Variants in PDCL2 observed in about 807,000 individuals in gnomAD.
PDCL2 encodes the protein phosducin like 2.
Under a neutral mutation model 30.3 loss-of-function variants are expected in PDCL2, and 23 were observed. The observed-to-expected ratio is 0.76, with a 90% CI of 0.55 to 1.08. The LOEUF (loss-of-function observed/expected upper bound fraction) is 1.08. Ranked by LOEUF, PDCL2 falls within the 50% of genes least tolerant of loss-of-function variation. PDCL2 has a pLI of 0.00. For synonymous variants in PDCL2, 68 were observed against 86.2 expected (o/e 0.79, Z 1.17); for missense variants, 243 against 282.3 (o/e 0.86, Z 1.00).
Position 55,569,728 on chromosome 4 carries a change from A to G in PDCL2, c.352T>C (p.Tyr118His). The G allele has an allele frequency of 1.3e-6, 2 of 1,549,254 alleles. 1 individual carries two copies. The highest frequency in any genetic ancestry group is 2.4e-5 in the South Asian group (2 of 82,962). The change falls in exon 4 of 6, where the codon TAC (tyrosine) becomes CAC (histidine). Residue 118 changes from tyrosine to histidine, a missense_variant. Transcript: ENST00000295645. ...TATTATGGTAATTACCTTGATCTGT[A>G]TAGATGAATTATAACCCACACATCT... ...EEDVWVIIHL[Y>H]RSSIPMCLLV...
intron 4 of PDCL2, among the ~76,000 whole-genome samples, chr4:55,566,407 AG>A (rs1181992816): frequency 2.0e-5 from 3 of 150,808 alleles, no homozygotes; most frequent in African/African-American, 7.3e-5. Flanking sequence ...ATACCAACAC[AG>A]GAATGTATTT....
chr4:55,589,576 C>T (rs1732947806), intron 1 of PDCL2, among the ~76,000 whole-genome samples: 1 of 152,172 alleles, frequency 6.6e-6, no homozygotes, highest in South Asian at 2.1e-4. Context: ...TTCTCCTAGA[C>T]ATGTGTTTAC....
At chr4:55,571,380 C>A (rs1435993562) in intron 3 of PDCL2, among the ~76,000 whole-genome samples, 1 of 151,450 alleles carries the variant, frequency 6.6e-6, no homozygotes, top group African/African-American at 2.4e-5. Flanking sequence ...AAAAACAAAA[C>A]CCTGGGTATA....
chr4:55,578,832 A>C (rs1333848313), intron 3 of PDCL2, among the ~76,000 whole-genome samples: 1 of 152,150 alleles, frequency 6.6e-6, no homozygotes, highest in African/African-American at 2.4e-5. Flanking sequence ...TATTTGGGGA[A>C]GAATTCTTTG....
intron 1 of PDCL2, among the ~76,000 whole-genome samples, chr4:55,583,790 C>T (rs1732788287): frequency 6.6e-6 from 1 of 152,162 alleles, no homozygotes. Flanking sequence ...CAGTACCACG[C>T]TGTTTGGATT....
chr4:55,562,185 T>G (rs560206411), intron 5 of PDCL2, among the ~76,000 whole-genome samples: 90 of 152,228 alleles, frequency 5.9e-4, no homozygotes, highest in African/African-American at 2.1e-3. Flanking sequence ...AAGGAGAAGA[T>G]TCTAAATTTT....
At chr4:55,578,372 G>T (rs759051341) in intron 3 of PDCL2, among the ~76,000 whole-genome samples, 9 of 152,150 alleles carry the variant, frequency 5.9e-5, no homozygotes, top group Non-Finnish European at 7.4e-5. Context: ...TGGAGCTAGG[G>T]GTTGAGCATG....
chr4:55,592,227 C>T lies in PDCL2; in HGVS notation c.-118G>A, dbSNP rs997428136. 2.1e-6 allele frequency: 3 copies of T among 1,450,724 alleles called. No homozygotes were observed. Among genetic ancestry groups the T allele is most frequent in the East Asian group, 2.5e-5 (1 of 40,226 alleles). The allele number at this position is 1,450,724 out of a possible 1,614,324, so 89.9% of individuals were successfully genotyped here. A position where few individuals can be genotyped will look rare whatever the true frequency, so the allele number is the denominator to read the frequency against. The stretch of plus-strand genomic sequence containing the variant: ...GCGCCCGCTTCAGGCCCGGCGGTTT[C>T]GAGTGACCGCCAGAAGAGGGAGAGG... On this transcript the variant is annotated 5_prime_UTR_variant, in exon 1 of 6. Coordinates refer to ENST00000295645, the MANE Select transcript of PDCL2 (RefSeq NM_152401.3).
intron 3 of PDCL2, among the ~76,000 whole-genome samples, chr4:55,576,796 C>T (rs1732580871): frequency 6.6e-6 from 1 of 152,122 alleles, no homozygotes. Flanking sequence ...CTTAACAGTA[C>T]TTACTTTAAA....
intron 4 of PDCL2, 39 bp from the exon 5 acceptor site, chr4:55,562,651 G>A: frequency 7.2e-7 from 1 of 1,393,426 alleles, no homozygotes; most frequent in South Asian, 1.4e-5. Flanking sequence ...TTAATAAATG[G>A]GCTACTCATC....
intron 3 of PDCL2, among the ~76,000 whole-genome samples, chr4:55,571,544 G>C (rs67238811): frequency 9.7e-6 from 1 of 102,688 alleles, no homozygotes; most frequent in African/African-American, 4.2e-5. Flanking sequence ...AAAATTAGCC[G>C]GGCATGGTGG....
intron 4 of PDCL2, among the ~76,000 whole-genome samples, chr4:55,564,430 GT>G (rs1732210828): frequency 2.6e-5 from 4 of 152,198 alleles, no homozygotes; most frequent in Admixed American, 2.6e-4. Context: ...CAGAAGAGCT[GT>G]AAAATATGAG....
chr4:55,580,652 G>T (rs1261285762), intron 3 of PDCL2, among the ~76,000 whole-genome samples, 169 bp downstream of exon 3: 1 of 152,056 alleles, frequency 6.6e-6, no homozygotes, highest in African/African-American at 2.4e-5. Context: ...AAGAAAAAAT[G>T]ATGTAATGAT....
chr4:55,591,129 AATT>A (rs1732987319), intron 1 of PDCL2, among the ~76,000 whole-genome samples: 1 of 152,244 alleles, frequency 6.6e-6, no homozygotes, highest in Admixed American at 6.5e-5. Context: ...GGCCATAAAA[AATT>A]ATATGTAACT....
At position 55,592,140 on chromosome 4, in the gene PDCL2, G is replaced by A. The variant is rs773767679; in HGVS notation, c.-31C>T. The A allele has an allele frequency of 1.0e-5, 16 of 1,607,124 alleles. No individual in the cohort carries two copies. Among genetic ancestry groups the A allele is most frequent in the African/African-American group, 8.0e-5 (6 of 74,694 alleles). ...GCTGCTCTGCCCCTCAAGAGCCCGC[G>A]TCGTCCTGCAGCTGGCGAGGCGCCA... is the stretch of plus-strand genomic sequence containing the variant. On this transcript the variant is annotated 5_prime_UTR_variant, in exon 1 of 6. It adds an upstream start codon to the 5' untranslated region. Coordinates refer to ENST00000295645, the MANE Select transcript of PDCL2 (RefSeq NM_152401.3).
chr4:55,590,791 G>A (rs909293891), intron 1 of PDCL2, among the ~76,000 whole-genome samples: 2 of 152,038 alleles, frequency 1.3e-5, no homozygotes, highest in African/African-American at 2.4e-5. Flanking sequence ...CACTGCCCTC[G>A]GCCATGAAAT....
Position 55,564,183 on chromosome 4 carries a change from A to G in PDCL2, c.363-1571T>C, listed in dbSNP as rs545755978. 5.4e-4 allele frequency among the ~76,000 whole-genome samples: 83 copies of G among 152,352 alleles called. 1 individual carries two copies. The highest frequency in any genetic ancestry group is 1.9e-3 in the African/African-American group (78 of 41,582). ...AGAGAAATTTTATAATTTTCATTAG[A>G]AATTTTGTCAGAATGAAAGCTCAGT... On this transcript the variant is annotated intron_variant, in intron 4 of 5. Transcript: ENST00000295645.
chr4:55,584,108 T>C (rs969131306), intron 1 of PDCL2, among the ~76,000 whole-genome samples: 1 of 152,230 alleles, frequency 6.6e-6, no homozygotes, highest in African/African-American at 2.4e-5. Context: ...TTTCAGTCTA[T>C]GAATTTTTCA....
chr4:55,559,367 T>C (rs73819640), intron 5 of PDCL2, among the ~76,000 whole-genome samples: 2,368 of 152,258 alleles, frequency 0.016, 54 homozygotes, highest in African/African-American at 0.053. Flanking sequence ...AGGGGAATGA[T>C]AAATTGAGGA....
Sources: allele counts gnomAD v4.1 joint callset (sites outside exome capture counted in the v4.1 genomes callset), GRCh38; gene constraint gnomAD v4.1.1; transcripts MANE v1.5; gene names NCBI Gene and HGNC (gene_info 2026-07-23, HGNC 2026-07-21).